PPP2R3A: variants seen among roughly 807,000 people sequenced by gnomAD.
The protein encoded by PPP2R3A is protein phosphatase 2 regulatory subunit B''alpha.
In PPP2R3A, 80 loss-of-function variants were observed where a neutral mutation model predicts 106.9. The observed-to-expected ratio is 0.75, with a 90% confidence interval of 0.62 to 0.90. The LOEUF is 0.90. Among genes scored for constraint, PPP2R3A ranks in the 40% least tolerant of loss-of-function variants. The pLI, the probability that PPP2R3A is intolerant of heterozygous loss-of-function variation, is 0.00. For synonymous variants in PPP2R3A, 483 were observed against 468.3 expected (o/e 1.03, Z -0.41); for missense variants, 1,386 against 1,350.4 (o/e 1.03, Z -0.41).
At chr3:136,026,633 G>A (rs1934667790) in intron 2 of PPP2R3A, among the ~76,000 whole-genome samples, 199 bp from the exon 3 acceptor site, 2 of 152,054 alleles carry the variant, frequency 1.3e-5, no homozygotes, top group African/African-American at 4.8e-5. Context: ...GTAAACTTGA[G>A]TACTGGCAGA....
chr3:136,090,597 G>A lies in PPP2R3A; in HGVS notation c.2857G>A (p.Glu953Lys). 3 of 1,613,562 alleles carry A rather than the reference G, an allele frequency of 1.9e-6. No individual in the cohort carries two copies. The highest frequency in any genetic ancestry group is 2.5e-6 in the Non-Finnish European group (3 of 1,179,674). The change falls in exon 10 of 14, where the codon GAG (glutamate) becomes AAG (lysine). Residue 953 changes from glutamate (E) to lysine (K), a missense_variant. By Grantham distance (56) the Glu-to-Lys change is moderately conservative. Transcript: ENST00000264977. The part of the protein sequence containing the change: ...AVTRGKTIQK[E>K]GRMSYADFVW... ...CTTTAGGGGAAAAACAATACAGAAA[G>A]AGGGAAGAATGAGCTATGCAGATTT...
At chr3:136,140,912 A>G (rs931430973) in intron 13 of PPP2R3A, among the ~76,000 whole-genome samples, 5 of 152,192 alleles carry the variant, frequency 3.3e-5, no homozygotes, top group African/African-American at 4.8e-5. Flanking sequence ...TCTCAAAAAT[A>G]AATGAATGAA....
intron 1 of PPP2R3A, among the ~76,000 whole-genome samples, chr3:135,969,070 G>T (rs1323567558): frequency 6.6e-6 from 1 of 152,044 alleles, no homozygotes; most frequent in African/African-American, 2.4e-5. Context: ...TGGAATTGTT[G>T]GGTGAAATAA....
At chr3:136,138,081 A>G (rs1938697779) in intron 13 of PPP2R3A, among the ~76,000 whole-genome samples, 1 of 152,210 alleles carries the variant, frequency 6.6e-6, no homozygotes, top group African/African-American at 2.4e-5. Flanking sequence ...GACATGAATT[A>G]ATATTCTAAA....
intron 13 of PPP2R3A, among the ~76,000 whole-genome samples, chr3:136,126,457 A>G (rs954667925): frequency 1.3e-5 from 2 of 152,200 alleles, no homozygotes; most frequent in South Asian, 2.1e-4. Flanking sequence ...TAGGTAGACA[A>G]AGCAGCCAGG....
chr3:136,143,800 AAC>A (rs560108357), intron 13 of PPP2R3A, among the ~76,000 whole-genome samples: 1 of 152,080 alleles, frequency 6.6e-6, no homozygotes, highest in African/African-American at 2.4e-5. Context: ...CAAAAGAAAA[AAC>A]ACACACAATG....
intron 13 of PPP2R3A, among the ~76,000 whole-genome samples, chr3:136,127,182 A>G (rs1938214469): frequency 6.6e-6 from 1 of 152,232 alleles, no homozygotes; most frequent in Non-Finnish European, 1.5e-5. Flanking sequence ...AGTTGACAGA[A>G]GTAGGCTTCA....
chr3:136,002,627 T>G lies in PPP2R3A; in HGVS notation c.1129T>G (p.Leu377Val), dbSNP rs140301479. ...QSIPNNSTNS[L>V]YNLEVNDPRT... ...CATTCCAAACAACTCCACAAATTCC[T>G]TATATAACTTAGAGGTAAATGATCC... The change falls in exon 2 of 14, where the codon TTA (leucine) becomes GTA (valine). Residue 377 changes from leucine to valine, a missense_variant. Coordinates refer to ENST00000264977, the MANE Select transcript of PPP2R3A (RefSeq NM_002718.5). 703 of 1,613,910 alleles carry G rather than the reference T, an allele frequency of 4.4e-4. 2 individuals are homozygous for G. Among genetic ancestry groups the G allele is most frequent in the Middle Eastern group, 1.2e-3 (7 of 6,062 alleles).
intron 1 of PPP2R3A, among the ~76,000 whole-genome samples, chr3:135,983,043 A>G (rs1937559971): frequency 6.6e-6 from 1 of 152,182 alleles, no homozygotes; most frequent in Non-Finnish European, 1.5e-5. Flanking sequence ...ATAAGTTTAT[A>G]GTCTTGCTTG....
At position 136,102,281 on chromosome 3, in the gene PPP2R3A, T is replaced by C. The variant is rs191654080; in HGVS notation, c.3103+99T>C. The C allele has an allele frequency of 1.1e-4, 152 of 1,339,942 alleles. No homozygotes were observed. The African/African-American group carries it at 2.1e-3, about 18-fold the overall frequency. 83.0% of individuals were successfully genotyped at this position (1,339,942 alleles called of 1,614,324 possible). A position where few individuals can be genotyped will look rare whatever the true frequency, so the allele number is the denominator to read the frequency against. Reference sequence around the variant, plus strand: ...TAAATTATTTAACATTTCAGAGTCTTGATAGAAGACTTCCTAGGACAGAAG... The same window carrying C: ...TAAATTATTTAACATTTCAGAGTCTCGATAGAAGACTTCCTAGGACAGAAG... On this transcript the variant is annotated intron_variant, in intron 11 of 13. Coordinates refer to ENST00000264977, the MANE Select transcript of PPP2R3A (RefSeq NM_002718.5).
intron 10 of PPP2R3A, among the ~76,000 whole-genome samples, chr3:136,095,360 A>T (rs1355840505): frequency 2.0e-5 from 3 of 152,166 alleles, no homozygotes; most frequent in Admixed American, 1.3e-4. Flanking sequence ...CCTTTCTCCT[A>T]ACAGCTCACA....
chr3:136,068,859 C>T (rs1315667961), intron 5 of PPP2R3A, among the ~76,000 whole-genome samples: 1 of 152,134 alleles, frequency 6.6e-6, no homozygotes, highest in Non-Finnish European at 1.5e-5. Context: ...ATCACATACC[C>T]TCTGTATTAC....
chr3:136,087,245 G>GTCTCTCTCCCTCTC, intron 8 of PPP2R3A, among the ~76,000 whole-genome samples: 1 of 75,078 alleles, frequency 1.3e-5, no homozygotes, highest in Middle Eastern at 9.6e-3. Context: ...CTCTAGTCGT[G>GTCTCTCTCCCTCTC]TCTCTCTCTC....
Position 136,102,072 on chromosome 3 carries a change from A to G in PPP2R3A, c.2993A>G (p.Glu998Gly), listed in dbSNP as rs1443410436. The change falls in exon 11 of 14, where the codon GAG (glutamate) becomes GGG (glycine). Residue 998 changes from glutamate to glycine, a missense_variant. Glu to Gly is a moderately conservative substitution (Grantham distance 98). Transcript: ENST00000264977. ...GGTGTACTCTCCATGTATGAGCTGGAGTACTTCTATGAGGAGCAGTGTGAA... is the reference window on the plus strand; with the variant it reads ...GGTGTACTCTCCATGTATGAGCTGGGGTACTTCTATGAGGAGCAGTGTGAA... ...GDGVLSMYELEYFYEEQCERM... is the reference protein window; with the variant it reads ...GDGVLSMYELGYFYEEQCERM... The G allele has an allele frequency of 1.2e-6, 2 of 1,614,092 alleles. No homozygotes were observed. Among genetic ancestry groups the G allele is most frequent in the Non-Finnish European group, 1.7e-6 (2 of 1,180,006 alleles).
intron 13 of PPP2R3A, among the ~76,000 whole-genome samples, chr3:136,139,706 A>AAAAAAG (rs1553761239): frequency 2.0e-5 from 3 of 149,962 alleles, no homozygotes; most frequent in African/African-American, 7.5e-5. Context: ...AAAAAAAAAA[A>AAAAAAG]AAAGAGTTTG....
intron 8 of PPP2R3A, among the ~76,000 whole-genome samples, chr3:136,083,388 T>G (rs1936839441): frequency 6.6e-6 from 1 of 152,116 alleles, no homozygotes; most frequent in Non-Finnish European, 1.5e-5. Flanking sequence ...AAAGGGGAGT[T>G]CCTCTGCACA....
intron 1 of PPP2R3A, among the ~76,000 whole-genome samples, chr3:136,000,011 T>C (rs1304913521): frequency 2.0e-5 from 3 of 152,210 alleles, no homozygotes; most frequent in Admixed American, 2.0e-4. Flanking sequence ...TGCTCCACTC[T>C]AGGGCCTTTG....
intron 10 of PPP2R3A, among the ~76,000 whole-genome samples, chr3:136,101,671 C>G (rs974685679): frequency 6.6e-6 from 1 of 152,128 alleles, no homozygotes; most frequent in African/African-American, 2.4e-5. Context: ...AGTGATCTGC[C>G]CACCTCAGTC....
chr3:136,095,454 T>A (rs1937194149), intron 10 of PPP2R3A, among the ~76,000 whole-genome samples: 1 of 152,182 alleles, frequency 6.6e-6, no homozygotes, highest in Non-Finnish European at 1.5e-5. Flanking sequence ...AGTTGAGGTG[T>A]CAGTGGTCCC....
Sources: allele counts gnomAD v4.1 joint callset (sites outside exome capture counted in the v4.1 genomes callset), GRCh38; gene constraint gnomAD v4.1.1; transcripts MANE v1.5; gene names NCBI Gene and HGNC (gene_info 2026-07-23, HGNC 2026-07-21).